EIF2B3: variants seen among roughly 807,000 people sequenced by gnomAD.
EIF2B3 encodes the protein translation initiation factor eIF2B subunit gamma.
Under a neutral mutation model 54.1 loss-of-function variants are expected in EIF2B3, and 20 were observed. The ratio of observed to expected loss-of-function variants is 0.37; its 90% confidence interval spans 0.26 to 0.54. EIF2B3 has a LOEUF of 0.54. Among genes scored for constraint, EIF2B3 ranks in the 20% least tolerant of loss-of-function variants. EIF2B3 has a pLI of 0.86. For synonymous variants in EIF2B3, 153 were observed against 188.1 expected (o/e 0.81, Z 1.52); for missense variants, 448 against 547.8 (o/e 0.82, Z 1.82).
intron 9 of EIF2B3, among the ~76,000 whole-genome samples, chr1:44,875,401 C>CA (rs2148901578): frequency 6.6e-6 from 1 of 152,240 alleles, no homozygotes; most frequent in Non-Finnish European, 1.5e-5. Flanking sequence ...TTGAGAGCTC[C>CA]TGTGTCTGAG....
chr1:44,886,468 A>G (rs1169742125), intron 6 of EIF2B3, among the ~76,000 whole-genome samples: 1 of 152,266 alleles, frequency 6.6e-6, no homozygotes. Flanking sequence ...TAAAATGTTC[A>G]CAATAGTTAT....
At chr1:44,857,662 G>A in intron 11 of EIF2B3, 42 bp downstream of exon 11, 1 of 1,581,442 alleles carries the variant, frequency 6.3e-7, no homozygotes, top group Non-Finnish European at 8.7e-7. Context: ...CAGTGCTGGT[G>A]TGAGAAGTAA....
intron 5 of EIF2B3, among the ~76,000 whole-genome samples, chr1:44,913,233 G>A (rs1293018236): frequency 4.0e-5 from 6 of 151,018 alleles, no homozygotes; most frequent in African/African-American, 7.3e-5. Context: ...ATCTTGTGGC[G>A]AGCTTTTCTG....
At chr1:44,916,419 G>T (rs1470797007) in intron 5 of EIF2B3, among the ~76,000 whole-genome samples, 4 of 150,718 alleles carry the variant, frequency 2.7e-5, no homozygotes, top group Admixed American at 2.6e-4. Context: ...ATAGAGACAA[G>T]ATCTCACCAT....
chr1:44,935,941 G>GTT (rs201524888), intron 4 of EIF2B3, among the ~76,000 whole-genome samples: 2 of 144,618 alleles, frequency 1.4e-5, no homozygotes, highest in Admixed American at 6.9e-5. Flanking sequence ...TGGCATTTTG[G>GTT]TTTTTTTTTT....
At chr1:44,858,226 G>A (rs1654499286) in intron 10 of EIF2B3, among the ~76,000 whole-genome samples, 1 of 151,688 alleles carries the variant, frequency 6.6e-6, no homozygotes, top group Non-Finnish European at 1.5e-5. Context: ...ACACCACCAT[G>A]TCTGGCTAAT....
In EIF2B3 at chr1:44,952,645, C is replaced by A. The variant is rs528145325; in HGVS notation, c.295-10980G>T. ...TCGGCTCACTGCAAGCTCCGCCTCC[C>A]GGGTTCACGCCATTCTCCTGCCTCA... On this transcript the variant is annotated intron_variant, in intron 3 of 11. Coordinates refer to ENST00000360403, the MANE Select transcript of EIF2B3 (RefSeq NM_020365.5). Among the ~76,000 whole-genome samples, 10 of 151,494 alleles carry A rather than the reference C, an allele frequency of 6.6e-5. 1 individual carries two copies. In the South Asian group the frequency reaches 2.1e-3, roughly 32 times the overall value.
chr1:44,924,432 T>A lies in EIF2B3; in HGVS notation c.566+2196A>T, dbSNP rs185487838. Among the ~76,000 whole-genome samples, 286 of 152,172 alleles carry A rather than the reference T, an allele frequency of 1.9e-3. 2 individuals carry two copies. The highest frequency in any genetic ancestry group is 6.6e-3 in the African/African-American group (273 of 41,522). ...TTTGTTTGTTTTTTGAGACCGAGTCTCACTCTGTCGCCCAGCGCAATCTAG... is the reference window on the plus strand; with the variant it reads ...TTTGTTTGTTTTTTGAGACCGAGTCACACTCTGTCGCCCAGCGCAATCTAG... On this transcript the variant is annotated intron_variant, in intron 5 of 11. Coordinates refer to ENST00000360403, the MANE Select transcript of EIF2B3 (RefSeq NM_020365.5).
intron 3 of EIF2B3, among the ~76,000 whole-genome samples, chr1:44,967,557 G>A (rs1176754211): frequency 4.0e-5 from 6 of 151,336 alleles, no homozygotes; most frequent in African/African-American, 9.7e-5. Flanking sequence ...TGGCTAACAC[G>A]GTGAAACCCT....
intron 2 of EIF2B3, 103 bp downstream of exon 2, chr1:44,980,918 C>T (rs998714914): frequency 5.4e-5 from 77 of 1,435,348 alleles, no homozygotes; most frequent in Non-Finnish European, 7.2e-5. Flanking sequence ...CTTCAGCCAA[C>T]GAGTTCTAGT....
At chr1:44,960,929 A>G (rs559849210) in intron 3 of EIF2B3, among the ~76,000 whole-genome samples, 1 of 152,218 alleles carries the variant, frequency 6.6e-6, no homozygotes, top group East Asian at 1.9e-4. Context: ...CTTATTCAGG[A>G]ATATACTTCT....
chr1:44,904,103 A>G (rs566043488), intron 5 of EIF2B3, among the ~76,000 whole-genome samples: 4 of 151,928 alleles, frequency 2.6e-5, no homozygotes, highest in Non-Finnish European at 2.9e-5. Flanking sequence ...AAACAAAAAA[A>G]CCCAAAAAAC....
Position 44,897,391 on chromosome 1 carries a change from A to G in EIF2B3, c.620T>C (p.Leu207Ser). Residue 207 changes from leucine to serine, a missense_variant, in exon 6 of 12, where the codon TTG becomes TCG. Coordinates refer to ENST00000360403, the MANE Select transcript of EIF2B3 (RefSeq NM_020365.5). ...TAGGAAATCCACGATGTATTTTTTC[A>G]AACAGTAGAGGTGGGCATCCACAAG... is the stretch of plus-strand genomic sequence containing the variant. ...TGLVDAHLYC[L>S]KKYIVDFLME... 1 of 1,613,736 alleles carries G rather than the reference A, an allele frequency of 6.2e-7. No individual in the cohort carries two copies. Among genetic ancestry groups the G allele is most frequent in the Non-Finnish European group, 8.5e-7 (1 of 1,179,870 alleles).
At chr1:44,876,704 G>A (rs1287231848) in intron 8 of EIF2B3, among the ~76,000 whole-genome samples, 1 of 138,610 alleles carries the variant, frequency 7.2e-6, no homozygotes, top group Non-Finnish European at 1.5e-5. Context: ...GTACCCAACA[G>A]CTCATTGAGA....
intron 2 of EIF2B3, among the ~76,000 whole-genome samples, chr1:44,979,052 C>T (rs1644484966): frequency 6.6e-6 from 1 of 151,448 alleles, no homozygotes; most frequent in Non-Finnish European, 1.5e-5. Flanking sequence ...TTTGGGAGGC[C>T]GAGGCAGGCG....
intron 10 of EIF2B3, among the ~76,000 whole-genome samples, chr1:44,870,733 A>G (rs1252106907): frequency 6.6e-6 from 1 of 151,380 alleles, no homozygotes; most frequent in South Asian, 2.1e-4. Context: ...GCTCACTGCA[A>G]CCTCTGCCTC....
At chr1:44,921,762 C>A (rs1643741723) in intron 5 of EIF2B3, among the ~76,000 whole-genome samples, 1 of 152,020 alleles carries the variant, frequency 6.6e-6, no homozygotes, top group Admixed American at 6.6e-5. Context: ...GTTTTTATGT[C>A]AGTACCATGC....
intron 6 of EIF2B3, among the ~76,000 whole-genome samples, chr1:44,883,592 C>A (rs933501209): frequency 6.6e-6 from 1 of 152,174 alleles, no homozygotes; most frequent in East Asian, 1.9e-4. Context: ...CCCAACCAAT[C>A]AGCAGCACTC....
chr1:44,952,290 G>C (rs1480254469), intron 3 of EIF2B3, among the ~76,000 whole-genome samples: 1 of 150,502 alleles, frequency 6.6e-6, no homozygotes, highest in African/African-American at 2.4e-5. Flanking sequence ...AGTAGAGATG[G>C]GGTTTCGCCA....
Sources: allele counts gnomAD v4.1 joint callset (sites outside exome capture counted in the v4.1 genomes callset), GRCh38; gene constraint gnomAD v4.1.1; transcripts MANE v1.5; gene names NCBI Gene and HGNC (gene_info 2026-07-23, HGNC 2026-07-21).